Variants in ATRNL1 observed in about 807,000 individuals in gnomAD.
ATRNL1 encodes attractin like 1, also known as attractin-like protein 1.
A neutral mutation model predicts 182.7 loss-of-function variants in ATRNL1; 95 were observed. The ratio of observed to expected loss-of-function variants is 0.52; its 90% CI spans 0.44 to 0.62. ATRNL1 has a LOEUF of 0.62. ATRNL1 is among the 20% of genes least tolerant of loss of function. The pLI, the probability that ATRNL1 is intolerant of heterozygous loss-of-function variation, is 0.00. For synonymous variants in ATRNL1, 576 were observed against 568.3 expected (o/e 1.01, Z -0.19); for missense variants, 1,471 against 1,679.5 (o/e 0.88, Z 2.17).
At chr10:115,793,776 A>G (rs181275583) in intron 27 of ATRNL1, among the ~76,000 whole-genome samples, 2 of 152,246 alleles carry the variant, frequency 1.3e-5, no homozygotes, top group East Asian at 3.9e-4. Flanking sequence ...TAAGGGTGCA[A>G]ATGAGGAATG....
chr10:115,194,248 G>A (rs932729151), intron 8 of ATRNL1, among the ~76,000 whole-genome samples: 1 of 151,954 alleles, frequency 6.6e-6, no homozygotes, highest in African/African-American at 2.4e-5. Flanking sequence ...ATGTTTCTTT[G>A]TTGATTTTCT....
In ATRNL1 at chr10:115,763,821, A is replaced by G. The variant is rs1360097685; in HGVS notation, c.3903+36466A>G. On this transcript the variant is annotated intron_variant, in intron 27 of 28. Coordinates refer to ENST00000355044, the MANE Select transcript of ATRNL1 (RefSeq NM_207303.4). ...AAATGTATGTATGTTTAAAACTTCT[A>G]TAGCATGGAAACACTTTTAGAAGAA... Among the ~76,000 whole-genome samples, 8 of 152,218 alleles carry G rather than the reference A, an allele frequency of 5.3e-5. No individual in the cohort carries two copies. The East Asian group carries it at 7.7e-4, about 15-fold the overall frequency.
At chr10:115,928,466 G>A (rs1953300219) in intron 28 of ATRNL1, among the ~76,000 whole-genome samples, 1 of 151,926 alleles carries the variant, frequency 6.6e-6, no homozygotes, top group South Asian at 2.1e-4. Flanking sequence ...CATGTAATTT[G>A]AACAGAAAGT....
At chr10:115,677,545 G>A (rs577701397) in intron 26 of ATRNL1, among the ~76,000 whole-genome samples, 31 of 152,178 alleles carry the variant, frequency 2.0e-4, no homozygotes, top group Middle Eastern at 6.8e-3. Context: ...CAAGTCTCAC[G>A]AGATCTGATG....
chr10:115,163,293 TTTTTTTCTTTTATTTGATTATTTTA>T (rs1283315827), intron 6 of ATRNL1, among the ~76,000 whole-genome samples: 3 of 151,894 alleles, frequency 2.0e-5, no homozygotes, highest in Non-Finnish European at 2.9e-5. Flanking sequence ...TAGTTTTTGC[TTTTTTTCTTTTATTTGATTATTTTA>T]TTTTTTCTTT....
intron 9 of ATRNL1, among the ~76,000 whole-genome samples, chr10:115,226,423 A>G (rs1442912829): frequency 2.6e-5 from 4 of 152,044 alleles, no homozygotes; most frequent in Non-Finnish European, 5.9e-5. Flanking sequence ...TTATATGTCT[A>G]AAAAGTCAGT....
At chr10:115,938,841 G>A (rs543049712) in intron 28 of ATRNL1, among the ~76,000 whole-genome samples, 1 of 152,196 alleles carries the variant, frequency 6.6e-6, no homozygotes, top group South Asian at 2.1e-4. Context: ...ATTACCAGAG[G>A]CTAGGGGAAG....
At chr10:115,550,180 C>T (rs1852886194) in intron 26 of ATRNL1, among the ~76,000 whole-genome samples, 1 of 151,724 alleles carries the variant, frequency 6.6e-6, no homozygotes, top group South Asian at 2.1e-4. Context: ...ATCTGAGGAG[C>T]AAAAGTATGC....
intron 17 of ATRNL1, among the ~76,000 whole-genome samples, chr10:115,314,951 C>G (rs1554929077): frequency 6.6e-6 from 1 of 152,184 alleles, no homozygotes; most frequent in Non-Finnish European, 1.5e-5. Context: ...TCCCATCCAG[C>G]TTGGCTTTTT....
intron 26 of ATRNL1, among the ~76,000 whole-genome samples, chr10:115,645,501 T>G (rs1859549508): frequency 1.4e-5 from 2 of 147,678 alleles, no homozygotes; most frequent in African/African-American, 4.9e-5. Context: ...GATTTATATA[T>G]ATATAAATAT....
At chr10:115,543,054 G>C (rs1852449933) in intron 25 of ATRNL1, among the ~76,000 whole-genome samples, 1 of 152,144 alleles carries the variant, frequency 6.6e-6, no homozygotes, top group African/African-American at 2.4e-5. Flanking sequence ...ATATGAATTT[G>C]AGAACACAAT....
chr10:115,512,771 C>T (rs1231985678), intron 24 of ATRNL1, among the ~76,000 whole-genome samples: 3 of 151,826 alleles, frequency 2.0e-5, no homozygotes, highest in Non-Finnish European at 4.4e-5. Context: ...TTATACAATA[C>T]TATAGAGTAA....
chr10:115,334,153 A>G (rs1855369181), intron 18 of ATRNL1, 129 bp from the exon 19 acceptor site: 1 of 532,262 alleles, frequency 1.9e-6, no homozygotes, highest in African/African-American at 1.9e-5. Context: ...TTAATTTTTA[A>G]ACAAAACTTG....
chr10:115,764,499 G>A (rs923220811), intron 27 of ATRNL1, among the ~76,000 whole-genome samples: 1 of 151,910 alleles, frequency 6.6e-6, no homozygotes, highest in Non-Finnish European at 1.5e-5. Flanking sequence ...ACCAACCCCT[G>A]GCAAACACTG....
intron 10 of ATRNL1, among the ~76,000 whole-genome samples, chr10:115,263,059 T>C: frequency 6.6e-6 from 1 of 151,664 alleles, no homozygotes; most frequent in East Asian, 1.9e-4. Flanking sequence ...ACATGACTTG[T>C]AATAGGAAAA....
chr10:115,944,639 CT>C lies in ATRNL1; in HGVS notation c.4019-15del, dbSNP rs781882459. ...AAATGTCTAAGCAAGCATTTAAATG[CT>C]TTTCTCTTTCCTTCCAGGCCTTGCA... On this transcript the variant is annotated intron_variant, in intron 28 of 28. Transcript: ENST00000355044. 1.1e-5 allele frequency: 18 copies of C among 1,589,266 alleles called. No individual in the cohort carries two copies. Among genetic ancestry groups the C allele is most frequent in the Admixed American group, 1.7e-5 (1 of 58,016 alleles).
chr10:115,441,847 G>GAGCCC (rs1170803814), intron 21 of ATRNL1, among the ~76,000 whole-genome samples: 1 of 151,596 alleles, frequency 6.6e-6, no homozygotes, highest in Non-Finnish European at 1.5e-5. Flanking sequence ...AGACTTCTTT[G>GAGCCC]AGCCCCCCTC....
chr10:115,134,693 G>A (rs375080797), intron 5 of ATRNL1, among the ~76,000 whole-genome samples: 3,776 of 152,236 alleles, frequency 0.025, 57 homozygotes, highest in South Asian at 0.029. Flanking sequence ...TATGAGGCCA[G>A]CATCATCCTG....
chr10:115,103,203 GATTTTTTGT>G (rs1317087282), intron 1 of ATRNL1, among the ~76,000 whole-genome samples: 3 of 151,646 alleles, frequency 2.0e-5, no homozygotes, highest in African/African-American at 4.8e-5. Context: ...ACGCCTGGCT[GATTTTTTGT>G]ATTTTTTGTA....
Sources: gnomAD v4.1 joint callset for allele counts (sites outside exome capture counted in the v4.1 genomes callset) on GRCh38, gnomAD v4.1.1 for gene constraint, MANE v1.5 for transcripts, NCBI Gene and HGNC (gene_info 2026-07-23, HGNC 2026-07-21) for gene names.